Variants in OLAH observed in about 807,000 individuals in gnomAD.
OLAH encodes oleoyl-ACP hydrolase.
A neutral mutation model predicts 27.8 loss-of-function variants in OLAH; 33 were observed. The observed-to-expected ratio is 1.19, with a 90% CI of 0.90 to 1.59. OLAH has a LOEUF of 1.59. OLAH is among the 40% of genes most tolerant of loss of function. The probability of loss-of-function intolerance (pLI) is 0.00; values close to 1 mark genes in which losing one functional copy is unlikely to be tolerated. For missense variants in OLAH, 359 were observed against 310.8 expected (o/e 1.16, Z -1.17); for synonymous variants, 120 against 102.9 (o/e 1.17, Z -1.01).
At chr10:15,035,529 G>C (rs571876901) in intron 1 of OLAH, among the ~76,000 whole-genome samples, 1 of 152,038 alleles carries the variant, frequency 6.6e-6, no homozygotes, top group Non-Finnish European at 1.5e-5. Context: ...TCGAAGGACC[G>C]GATCTCATGA....
At chr10:15,052,998 C>A (rs1483255541) in intron 3 of OLAH, among the ~76,000 whole-genome samples, 1 of 152,106 alleles carries the variant, frequency 6.6e-6, no homozygotes, top group Non-Finnish European at 1.5e-5. Context: ...GCCTCGGCCT[C>A]CTAAAGTGCT....
chr10:15,054,524 T>G (rs1844208743), intron 3 of OLAH, among the ~76,000 whole-genome samples: 1 of 152,042 alleles, frequency 6.6e-6, no homozygotes, highest in Non-Finnish European at 1.5e-5. Context: ...AAATATTGAT[T>G]ATTTTCCAGT....
chr10:15,069,684 T>G (rs1844543004), intron 6 of OLAH, among the ~76,000 whole-genome samples: 1 of 152,118 alleles, frequency 6.6e-6, no homozygotes, highest in South Asian at 2.1e-4. Flanking sequence ...CTGGCCAACA[T>G]GGCGAAACCC....
chr10:15,048,305 C>G (rs56887805), intron 2 of OLAH, among the ~76,000 whole-genome samples: 48 of 152,210 alleles, frequency 3.2e-4, no homozygotes, highest in East Asian at 1.7e-3. Flanking sequence ...GCAACCCCCC[C>G]CTCCTGGGTT....
intron 1 of OLAH, among the ~76,000 whole-genome samples, chr10:15,046,900 T>G (rs1484445352): frequency 6.6e-6 from 1 of 152,212 alleles, no homozygotes; most frequent in Admixed American, 6.5e-5. Flanking sequence ...CTGGAAATGT[T>G]GCATCTTTGT....
chr10:15,072,993 C>A, intron 7 of OLAH, 94 bp from the exon 8 acceptor site: 2 of 1,200,280 alleles, frequency 1.7e-6, no homozygotes, highest in Non-Finnish European at 1.2e-6. Flanking sequence ...AGTAACCGTA[C>A]TTCAGGGTGT....
upstream of OLAH, among the ~76,000 whole-genome samples, chr10:15,039,291 T>A (rs1269542088): frequency 6.6e-6 from 1 of 151,982 alleles, no homozygotes; most frequent in Admixed American, 6.6e-5. Flanking sequence ...GAAGACTGCA[T>A]GTGTGGCTGG....
At chr10:15,035,156 G>C (rs1301461184) in intron 1 of OLAH, among the ~76,000 whole-genome samples, 1 of 152,148 alleles carries the variant, frequency 6.6e-6, no homozygotes, top group Non-Finnish European at 1.5e-5. Flanking sequence ...GCAGTGGTGA[G>C]TTGGGGAGAG....
intron 6 of OLAH, among the ~76,000 whole-genome samples, chr10:15,070,761 G>T (rs1008691200): frequency 6.7e-6 from 1 of 148,414 alleles, no homozygotes; most frequent in African/African-American, 2.5e-5. Context: ...GATTACAGGC[G>T]TAAGCCACCA....
chr10:15,073,331 C>T lies in OLAH; in HGVS notation c.*102C>T. The T allele has an allele frequency of 1.3e-6, 1 of 771,758 alleles. No homozygotes were observed. Among genetic ancestry groups the T allele is most frequent in the Non-Finnish European group, 2.1e-6 (1 of 487,322 alleles). The allele number at this position is 771,758 out of a possible 1,614,324, so 47.8% of individuals were successfully genotyped here. A position where few individuals can be genotyped will look rare whatever the true frequency, so the allele number is the denominator to read the frequency against. ...ATTCAGATTGGAAATTACACATTTT[C>T]TACTGTCAGGGAGATTCGTTACATA... On this transcript the variant is annotated 3_prime_UTR_variant, in exon 8 of 8. Coordinates refer to ENST00000378228, the MANE Select transcript of OLAH (RefSeq NM_001039702.3).
chr10:15,034,959 G>A (rs527644780), intron 1 of OLAH, among the ~76,000 whole-genome samples: 13 of 151,888 alleles, frequency 8.6e-5, no homozygotes, highest in Non-Finnish European at 1.5e-4. Flanking sequence ...GCACCACCAC[G>A]CCCCACTGAT....
intron 4 of OLAH, among the ~76,000 whole-genome samples, chr10:15,062,804 T>C (rs1844394598): frequency 6.6e-6 from 1 of 151,638 alleles, no homozygotes; most frequent in Non-Finnish European, 1.5e-5. Context: ...AGTGGCACGA[T>C]CTCAGCTCAT....
chr10:15,038,208 G>T (rs1843871211), intron 1 of OLAH, among the ~76,000 whole-genome samples: 1 of 152,212 alleles, frequency 6.6e-6, no homozygotes. Flanking sequence ...GTACCCCATT[G>T]TATCTAGGAA....
At chr10:15,070,282 C>A (rs887323433) in intron 6 of OLAH, among the ~76,000 whole-genome samples, 1 of 151,922 alleles carries the variant, frequency 6.6e-6, no homozygotes, top group Non-Finnish European at 1.5e-5. Context: ...ACACTTGGTC[C>A]CCCTCCGATC....
chr10:15,042,899 C>T (rs1255858617), upstream of OLAH, among the ~76,000 whole-genome samples: 11 of 116,328 alleles, frequency 9.5e-5, no homozygotes, highest in East Asian at 6.0e-4. Context: ...CTCGCTCTGT[C>T]GCCCAGGCTG....
chr10:15,048,300 C>A (rs543417273), intron 2 of OLAH, among the ~76,000 whole-genome samples: 17 of 152,134 alleles, frequency 1.1e-4, no homozygotes, highest in African/African-American at 3.4e-4. Flanking sequence ...TCACTGCAAC[C>A]CCCCCCTCCT....
At chr10:15,044,771 C>T (rs1355964013) in intron 1 of OLAH, among the ~76,000 whole-genome samples, 1 of 152,136 alleles carries the variant, frequency 6.6e-6, no homozygotes, top group Admixed American at 6.6e-5. Context: ...CTATTCTCTT[C>T]CATGTTTTTG....
At chr10:15,034,897 G>A (rs1216452048) in intron 1 of OLAH, among the ~76,000 whole-genome samples, 1 of 151,296 alleles carries the variant, frequency 6.6e-6, no homozygotes, top group Non-Finnish European at 1.5e-5. Flanking sequence ...CACCTCCCGG[G>A]TTCAAGCGAT....
At chr10:15,070,601 C>T (rs1432321411) in intron 6 of OLAH, among the ~76,000 whole-genome samples, 1 of 152,066 alleles carries the variant, frequency 6.6e-6, no homozygotes, top group African/African-American at 2.4e-5. Context: ...TCTCCTGCCT[C>T]TGCCTCCCAA....
Sources: gnomAD v4.1 joint callset for allele counts (sites outside exome capture counted in the v4.1 genomes callset) on GRCh38, gnomAD v4.1.1 for gene constraint, MANE v1.5 for transcripts, NCBI Gene and HGNC (gene_info 2026-07-23, HGNC 2026-07-21) for gene names.